The following SMIM17 variants were observed in gnomAD, a reference collection of about 807,000 sequenced individuals.
The protein encoded by SMIM17 is small integral membrane protein 17.
In SMIM17, 10 loss-of-function variants were observed where a neutral mutation model predicts 12.2. The ratio of observed to expected loss-of-function variants is 0.82; its 90% CI spans 0.50 to 1.39. SMIM17 has a LOEUF of 1.39. Among genes scored for constraint, SMIM17 ranks in the 40% most tolerant of loss-of-function variants. The pLI is 0.00. For synonymous variants in SMIM17, 50 were observed against 44.1 expected (o/e 1.13, Z -0.53); for missense variants, 136 against 118.2 (o/e 1.15, Z -0.70).
chr19:56,653,302 AT>A (rs1260111153), intron 3 of SMIM17, among the ~76,000 whole-genome samples: 1 of 152,224 alleles, frequency 6.6e-6, no homozygotes, highest in Non-Finnish European at 1.5e-5. Context: ...ATATTTTTTA[AT>A]TCCAAAAAAG....
Position 56,652,274 on chromosome 19 carries a change from G to A in SMIM17, c.247-2829G>A, listed in dbSNP as rs940246435. ...GGAGTGAGGGAAGCTGGAGAGGGGA[G>A]GAGAGGGAGCCAGGCAAATATACTG... On this transcript the variant is annotated intron_variant, in intron 3 of 3. Transcript: ENST00000598409. 9.2e-5 allele frequency among the ~76,000 whole-genome samples: 14 copies of A among 152,220 alleles called. No homozygotes were observed. In the South Asian group the frequency reaches 1.2e-3, roughly 14 times the overall value.
chr19:56,652,322 G>A (rs781473168), intron 3 of SMIM17, among the ~76,000 whole-genome samples: 12 of 151,976 alleles, frequency 7.9e-5, no homozygotes, highest in South Asian at 2.1e-4. Flanking sequence ...TCCAGTCTCC[G>A]TCTTATCGCA....
chr19:56,646,082 G>A (rs544221232), intron 2 of SMIM17, among the ~76,000 whole-genome samples: 9 of 152,280 alleles, frequency 5.9e-5, no homozygotes, highest in South Asian at 2.1e-4. Flanking sequence ...CACTTTTCCT[G>A]CCTGTGCTTG....
intron 1 of SMIM17, among the ~76,000 whole-genome samples, chr19:56,645,184 TGTGA>T (rs1360095551): frequency 2.8e-5 from 4 of 145,014 alleles, no homozygotes; most frequent in East Asian, 4.4e-4. Flanking sequence ...TGTTAGTCTA[TGTGA>T]GTGTGTGTGA....
chr19:56,650,526 T>C (rs2045101263), intron 3 of SMIM17, among the ~76,000 whole-genome samples: 1 of 152,144 alleles, frequency 6.6e-6, no homozygotes, highest in African/African-American at 2.4e-5. Context: ...AACTGAACAC[T>C]CATTAACTCT....
intron 3 of SMIM17, among the ~76,000 whole-genome samples, chr19:56,648,168 AT>A (rs2045081206): frequency 1.4e-5 from 2 of 142,484 alleles, no homozygotes; most frequent in African/African-American, 5.2e-5. Flanking sequence ...CCATCCATCC[AT>A]CCATCCATCC....
Position 56,647,054 on chromosome 19 carries a change from GAGA to G in SMIM17, c.170-501_170-499del, listed in dbSNP as rs141916304. ...TGCCCAGTCTATTCAGCTTAGGGAT[GAGA>G]AGGACACTAAGGTTCTGACTATGGG... On this transcript the variant is annotated intron_variant, in intron 2 of 3. Coordinates refer to ENST00000598409, the MANE Select transcript of SMIM17 (RefSeq NM_001193628.2). Among the ~76,000 whole-genome samples the G allele has an allele frequency of 5.8e-3, 877 of 152,236 alleles. 4 individuals are homozygous for G. The highest frequency in any genetic ancestry group is 0.01 in the Middle Eastern group (3 of 294).
chr19:56,643,917 G>C, intron 1 of SMIM17, among the ~76,000 whole-genome samples: 1 of 152,146 alleles, frequency 6.6e-6, no homozygotes. Flanking sequence ...TACTGTGGTT[G>C]CTGGTTGTCG....
rs1296351646 is a variant in SMIM17 at position 56,645,617 on chromosome 19, CAGG to C, written c.-45_-43del. The C allele has an allele frequency of 7.0e-7, 1 of 1,426,146 alleles. No homozygotes were observed. The highest frequency in any genetic ancestry group is 1.5e-5 in the African/African-American group (1 of 68,946). The allele number at this position is 1,426,146 out of a possible 1,614,324, so 88.3% of individuals were successfully genotyped here. ...TGGAGAACCAGAGAGGACCCTGGAG[CAGG>C]AGGAGAAAGAGAAGCTTGTCTCAGA... On this transcript the variant is annotated 5_prime_UTR_variant, in exon 2 of 4. Coordinates refer to ENST00000598409, the MANE Select transcript of SMIM17 (RefSeq NM_001193628.2).
intron 1 of SMIM17, among the ~76,000 whole-genome samples, chr19:56,644,425 A>G (rs1034672688): frequency 6.6e-6 from 1 of 152,228 alleles, no homozygotes; most frequent in African/African-American, 2.4e-5. Context: ...GTGCTATTTG[A>G]CTAAAGGTGT....
At chr19:56,650,519 T>C (rs1283085906) in intron 3 of SMIM17, among the ~76,000 whole-genome samples, 1 of 152,172 alleles carries the variant, frequency 6.6e-6, no homozygotes, top group Non-Finnish European at 1.5e-5. Context: ...ATCTAGTAAC[T>C]GAACACTCAT....
chr19:56,656,159 T>C lies in SMIM17; in HGVS notation c.*946T>C, dbSNP rs996394927. On this transcript the variant is annotated 3_prime_UTR_variant, in exon 4 of 4. Transcript: ENST00000598409. ...CGGGGTTTCACCGTGTTAGCCAGGA[T>C]GGTCTCGATCTCCTGACCTCGTGAT... Among the ~76,000 whole-genome samples the C allele has an allele frequency of 4.6e-5, 7 of 152,004 alleles. No individual in the cohort carries two copies. The highest frequency in any genetic ancestry group is 1.7e-4 in the African/African-American group (7 of 41,428).
intron 3 of SMIM17, among the ~76,000 whole-genome samples, chr19:56,653,103 C>A (rs1018518627): frequency 6.6e-6 from 1 of 152,110 alleles, no homozygotes; most frequent in Admixed American, 6.5e-5. Flanking sequence ...CATGTACATC[C>A]GTGTAACCAA....
At chr19:56,652,815 A>T (rs554402060) in intron 3 of SMIM17, among the ~76,000 whole-genome samples, 1 of 152,236 alleles carries the variant, frequency 6.6e-6, no homozygotes, top group South Asian at 2.1e-4. Context: ...CTCATTAGCA[A>T]AGGGCATTTG....
At chr19:56,648,191 C>T (rs1043302969) in intron 3 of SMIM17, among the ~76,000 whole-genome samples, 3 of 147,986 alleles carry the variant, frequency 2.0e-5, no homozygotes, top group African/African-American at 7.6e-5. Flanking sequence ...TGCATCAACC[C>T]ATCCCTATAC....
Position 56,655,087 on chromosome 19 carries a change from C to T in SMIM17, c.247-16C>T. On this transcript the variant is annotated splice_polypyrimidine_tract_variant and intron_variant, in intron 3 of 3. Transcript: ENST00000598409. ...TTCCTTTCCAATATTTATCCTTTTCCTTTTTTCTGTTTCAGGGCTTTGTGG... is the reference window on the plus strand; with the variant it reads ...TTCCTTTCCAATATTTATCCTTTTCTTTTTTTCTGTTTCAGGGCTTTGTGG... 1.5e-6 allele frequency: 1 copy of T among 668,916 alleles called. No individual in the cohort carries two copies. Among genetic ancestry groups the T allele is most frequent in the Non-Finnish European group, 2.7e-6 (1 of 364,872 alleles). 41.4% of individuals were successfully genotyped at this position (668,916 alleles called of 1,614,324 possible). A position where few individuals can be genotyped will look rare whatever the true frequency, so the allele number is the denominator to read the frequency against.
intron 1 of SMIM17, among the ~76,000 whole-genome samples, chr19:56,645,293 G>C (rs931481921): frequency 6.6e-6 from 1 of 151,992 alleles, no homozygotes; most frequent in Admixed American, 6.6e-5. Flanking sequence ...ATGTTTGTAT[G>C]TGTGTATATG....
Position 56,645,828 on chromosome 19 carries a change from A to T in SMIM17, c.161A>T (p.Asp54Val). ...VEVGASSHDSDEKDLSSQETG... is the reference protein window; with the variant it reads ...VEVGASSHDSVEKDLSSQETG... Reference sequence around the variant, plus strand: ...GTTGGGGCCTCCAGCCATGACAGTGATGAGAAAGGTGAGAGGCAGGGGTCC... The same window carrying T: ...GTTGGGGCCTCCAGCCATGACAGTGTTGAGAAAGGTGAGAGGCAGGGGTCC... The change falls in exon 2 of 4, where the codon GAT becomes GTT. Residue 54 changes from aspartate to valine, a missense_variant. Transcript: ENST00000598409. 1 of 1,532,960 alleles carries T rather than the reference A, an allele frequency of 6.5e-7. No individual in the cohort carries two copies. Among genetic ancestry groups the T allele is most frequent in the African/African-American group, 1.4e-5 (1 of 73,064 alleles). The allele number at this position is 1,532,960 out of a possible 1,614,324, so 95.0% of individuals were successfully genotyped here. A position where few individuals can be genotyped will look rare whatever the true frequency, so the allele number is the denominator to read the frequency against.
In SMIM17 at chr19:56,655,957, T is replaced by G. The variant is rs986972771; in HGVS notation, c.*744T>G. On this transcript the variant is annotated 3_prime_UTR_variant, in exon 4 of 4. Coordinates refer to ENST00000598409, the MANE Select transcript of SMIM17 (RefSeq NM_001193628.2). ...TTGGCGAATTACAGAGGTTTTTGTT[T>G]TTTTTTTTTTTTGAGACCGAGTCTC... Among the ~76,000 whole-genome samples the G allele has an allele frequency of 1.0e-4, 15 of 150,710 alleles. No individual in the cohort carries two copies. The highest frequency in any genetic ancestry group is 1.8e-4 in the Non-Finnish European group (12 of 67,514).
Sources: allele counts gnomAD v4.1 joint callset (sites outside exome capture counted in the v4.1 genomes callset), GRCh38; gene constraint gnomAD v4.1.1; transcripts MANE v1.5; gene names NCBI Gene and HGNC (gene_info 2026-07-23, HGNC 2026-07-21).